The following TPO variants were observed in gnomAD, a reference collection of about 807,000 sequenced individuals.
TPO encodes thyroid peroxidase.
In TPO, 78 loss-of-function variants were observed where a neutral mutation model predicts 96.9. The observed-to-expected ratio is 0.81, with a 90% confidence interval of 0.67 to 0.97. TPO has a LOEUF of 0.97. Among genes scored for constraint, TPO ranks in the 50% least tolerant of loss-of-function variants. TPO has a pLI of 0.00. For synonymous variants in TPO, 547 were observed against 538.0 expected, an observed-to-expected ratio of 1.02 and a Z score of -0.23; for missense variants, 1,252 against 1,274.8, an observed-to-expected ratio of 0.98 and a Z score of 0.27.
At chr2:1,532,881 CA>C in intron 15 of TPO, among the ~76,000 whole-genome samples, 1 of 94,772 alleles carries the variant, frequency 1.1e-5, no homozygotes, top group African/African-American at 5.4e-5. Context: ...CAAATACCCC[CA>C]GTTTGCAACC....
At chr2:1,484,999 C>T (rs1671002067) in intron 9 of TPO, 145 bp downstream of exon 9, 8 of 1,327,956 alleles carry the variant, frequency 6.0e-6, no homozygotes, top group South Asian at 1.4e-5. Context: ...TGTTGGTTTG[C>T]TGTACCCATT....
At chr2:1,414,023 C>T (rs1420393539) in intron 1 of TPO, among the ~76,000 whole-genome samples, 2 of 152,258 alleles carry the variant, frequency 1.3e-5, no homozygotes, top group African/African-American at 4.8e-5. Flanking sequence ...ATAGTACTCA[C>T]TTTTTGCCAC....
chr2:1,533,073 T>C (rs1430419433), intron 15 of TPO, among the ~76,000 whole-genome samples: 3 of 82,902 alleles, frequency 3.6e-5, no homozygotes, highest in Admixed American at 1.8e-4. Context: ...CAAATCCCCC[T>C]ACTGCGAGCA....
At chr2:1,387,711 C>T (rs536660668) in intron 1 of TPO, among the ~76,000 whole-genome samples, 11 of 152,316 alleles carry the variant, frequency 7.2e-5, no homozygotes, top group African/African-American at 2.4e-4. Flanking sequence ...TCTCTCAGCT[C>T]GTCAAAGTCA....
intron 1 of TPO, among the ~76,000 whole-genome samples, chr2:1,391,179 C>A (rs1489606340): frequency 6.6e-6 from 1 of 152,184 alleles, no homozygotes; most frequent in Non-Finnish European, 1.5e-5. Context: ...ACATTTAAGT[C>A]TTTAATCCAT....
intron 1 of TPO, among the ~76,000 whole-genome samples, chr2:1,388,425 C>G (rs1049316200): frequency 6.6e-6 from 1 of 152,174 alleles, no homozygotes; most frequent in African/African-American, 2.4e-5. Flanking sequence ...GCCCCTCCCC[C>G]AGCCTCGCTG....
At chr2:1,522,499 G>T (rs1675422902) in intron 15 of TPO, among the ~76,000 whole-genome samples, 1 of 148,302 alleles carries the variant, frequency 6.7e-6, no homozygotes, top group African/African-American at 2.5e-5. Context: ...CCGCCACCGT[G>T]CCCTCACAGT....
chr2:1,534,258 C>A (rs539792530), intron 15 of TPO, among the ~76,000 whole-genome samples: 2 of 127,542 alleles, frequency 1.6e-5, no homozygotes, highest in Admixed American at 1.7e-4. Context: ...TCAGAGCAAC[C>A]TTCTCAAATC....
At chr2:1,530,153 T>C in intron 15 of TPO, among the ~76,000 whole-genome samples, 1 of 87,398 alleles carries the variant, frequency 1.1e-5, no homozygotes, top group South Asian at 4.3e-4. Flanking sequence ...TCCCCCACTA[T>C]GTGCAACCTC....
chr2:1,535,771 A>T (rs577808634), intron 15 of TPO, among the ~76,000 whole-genome samples: 2 of 79,078 alleles, frequency 2.5e-5, no homozygotes, highest in African/African-American at 9.1e-5. Context: ...AACCTCCCGA[A>T]ATCCCCCCAA....
At chr2:1,433,942 A>G (rs1389683225) in intron 4 of TPO, among the ~76,000 whole-genome samples, 1 of 152,198 alleles carries the variant, frequency 6.6e-6, no homozygotes, top group Non-Finnish European at 1.5e-5. Flanking sequence ...TGGCAAGCTC[A>G]TTCATAAAAC....
At chr2:1,434,830 C>A (rs1665397838) in intron 4 of TPO, among the ~76,000 whole-genome samples, 1 of 152,234 alleles carries the variant, frequency 6.6e-6, no homozygotes, top group African/African-American at 2.4e-5. Context: ...TTTCCCATTA[C>A]TTCATCACCA....
intron 15 of TPO, among the ~76,000 whole-genome samples, chr2:1,524,157 C>CCG (rs1675860675): frequency 7.7e-6 from 1 of 130,218 alleles, no homozygotes; most frequent in Non-Finnish European, 1.7e-5. Context: ...TCCCAAAATC[C>CCG]CCCAAACTGT....
At chr2:1,521,742 G>T (rs188516314) in intron 15 of TPO, among the ~76,000 whole-genome samples, 1 of 152,108 alleles carries the variant, frequency 6.6e-6, no homozygotes, top group African/African-American at 2.4e-5. Flanking sequence ...TCAGTACGGC[G>T]TCTGTGAGGC....
rs1680897934 is a variant in TPO, at chr2:1,542,702, T to G, written c.*228T>G. ...GCCTGATTTGTTCCTTCTGGGGCTT[T>G]GCCATTAAAATGTATTTACAGATTA... On this transcript the variant is annotated 3_prime_UTR_variant, in exon 17 of 17. Coordinates refer to ENST00000329066, the MANE Select transcript of TPO (RefSeq NM_001206744.2). 2.2e-6 allele frequency: 3 copies of G among 1,338,548 alleles called. No homozygotes were observed. The African/African-American group carries it at 4.4e-5, about 20-fold the overall frequency. The allele number at this position is 1,338,548 out of a possible 1,614,324, so 82.9% of individuals were successfully genotyped here. A position where few individuals can be genotyped will look rare whatever the true frequency, so the allele number is the denominator to read the frequency against.
At chr2:1,528,603 C>CCA in intron 15 of TPO, among the ~76,000 whole-genome samples, 1 of 146,582 alleles carries the variant, frequency 6.8e-6, no homozygotes, top group Admixed American at 6.7e-5. Context: ...CCCAAATCTA[C>CCA]CCCAGTCTGT....
In TPO at chr2:1,525,024, TCC is replaced by T. The variant is rs143038971; in HGVS notation, c.2618+8046_2618+8047del. On this transcript the variant is annotated intron_variant, in intron 15 of 16. Transcript: ENST00000329066. Reference sequence around the variant, plus strand: ...CCCAACTCTGAGCAACCTCGCCAAATCCCCCAACTCTGTGCAACCTCCCCCTA... The same window carrying T: ...CCCAACTCTGAGCAACCTCGCCAAATCCCAACTCTGTGCAACCTCCCCCTA... Among the ~76,000 whole-genome samples the T allele has an allele frequency of 5.7e-4, 28 of 48,722 alleles. 3 individuals are homozygous for T. The highest frequency in any genetic ancestry group is 1.5e-3 in the African/African-American group (16 of 10,818). 32.0% of individuals were successfully genotyped at this position (48,722 alleles called of 152,430 possible). A position where few individuals can be genotyped will look rare whatever the true frequency, so the allele number is the denominator to read the frequency against.
upstream of TPO, among the ~76,000 whole-genome samples, chr2:1,411,296 G>A (rs562482597): frequency 3.0e-4 from 46 of 152,160 alleles, 1 homozygote; most frequent in Non-Finnish European, 4.7e-4. Context: ...ATATTTGTGC[G>A]GGGTCAAATG....
intron 4 of TPO, among the ~76,000 whole-genome samples, chr2:1,435,099 A>T (rs1322890839): frequency 1.3e-5 from 2 of 152,034 alleles, no homozygotes; most frequent in African/African-American, 2.4e-5. Flanking sequence ...ACACCCGGCT[A>T]ATTTTTTGTA....
Sources: allele counts gnomAD v4.1 joint callset (sites outside exome capture counted in the v4.1 genomes callset), GRCh38; gene constraint gnomAD v4.1.1; transcripts MANE v1.5; gene names NCBI Gene and HGNC (gene_info 2026-07-23, HGNC 2026-07-21).